The following MYO1F variants were observed in gnomAD, a reference collection of about 807,000 sequenced individuals.
The protein encoded by MYO1F is unconventional myosin-If.
MYO1F carries 60 observed loss-of-function variants against 146.6 expected under a neutral mutation model. The ratio of observed to expected loss-of-function variants is 0.41; its 90% CI spans 0.33 to 0.51. The LOEUF (loss-of-function observed/expected upper bound fraction) is 0.51. Among genes scored for constraint, MYO1F ranks in the 20% least tolerant of loss-of-function variants. MYO1F has a pLI of 0.25. For missense variants in MYO1F, 1,274 were observed against 1,534.3 expected (o/e 0.83, Z 2.83); for synonymous variants, 602 against 602.1 (o/e 1.00, Z 0.00).
At chr19:8,576,663 G>A (rs1264950582) in intron 1 of MYO1F, 1 of 156,904 alleles carries the variant, frequency 6.4e-6, no homozygotes, top group Non-Finnish European at 1.4e-5. Context: ...TTGGGATAAG[G>A]GATGCCCACC....
chr19:8,542,763 G>C (rs1053593571), intron 14 of MYO1F, among the ~76,000 whole-genome samples: 2 of 151,768 alleles, frequency 1.3e-5, no homozygotes, highest in African/African-American at 4.8e-5. Context: ...ACCACACCTG[G>C]CTGATTTTTT....
rs142197097 is a variant in MYO1F, at chr19:8,545,583, C to G, written c.1356+67G>C. 250 of 1,349,028 alleles carry G rather than the reference C, an allele frequency of 1.9e-4. 2 individuals carry two copies. The African/African-American group carries it at 2.9e-3, about 16-fold the overall frequency. The allele number at this position is 1,349,028 out of a possible 1,614,324, so 83.6% of individuals were successfully genotyped here. On this transcript the variant is annotated intron_variant, in intron 13 of 27. Transcript: ENST00000644032. The stretch of plus-strand genomic sequence containing the variant: ...ATGCCATAACACCCTTGGCCCTCCC[C>G]CTCATCTTCCAGACTCAGCTCAGGG...
At chr19:8,543,707 G>A (rs1321770737) in intron 14 of MYO1F, among the ~76,000 whole-genome samples, 1 of 18,496 alleles carries the variant, frequency 5.4e-5, no homozygotes, top group Admixed American at 5.8e-4. Context: ...TGGTGGTGGT[G>A]CTGGTGGTGG....
chr19:8,533,401 C>A (rs1972575659), intron 19 of MYO1F, among the ~76,000 whole-genome samples: 1 of 147,940 alleles, frequency 6.8e-6, no homozygotes, highest in African/African-American at 2.5e-5. Context: ...GTCGCTCAGG[C>A]TGGAGTGCAG....
chr19:8,541,421 G>T (rs1264353980), intron 15 of MYO1F, among the ~76,000 whole-genome samples: 1,916 of 130,226 alleles, frequency 0.015, 50 homozygotes, highest in African/African-American at 0.051. Flanking sequence ...GTGTGTGTGT[G>T]TGTGTTTTTT....
chr19:8,528,932 C>T (rs137863578), intron 21 of MYO1F, among the ~76,000 whole-genome samples: 2 of 152,108 alleles, frequency 1.3e-5, no homozygotes, highest in East Asian at 1.9e-4. Context: ...AGCTGGCCTG[C>T]GGTCAGAGTT....
At position 8,554,680 on chromosome 19, in the gene MYO1F, G is replaced by C; in HGVS notation, c.205C>G (p.Arg69Gly). 6.2e-7 allele frequency: 1 copy of C among 1,613,964 alleles called. No homozygotes were observed. The highest frequency in any genetic ancestry group is 8.5e-7 in the Non-Finnish European group (1 of 1,179,994). ...GCGCCCTGATAGAGGTCGATCTCAC[G>C]GTCGGTGAAGTAGGGCATCTGCTTG... The part of the protein sequence containing the change: ...PFKQMPYFTD[R>G]EIDLYQGAAQ... The change falls in exon 3 of 28, where the codon CGT becomes GGT. Residue 69 changes from arginine (R) to glycine (G), a missense_variant. Arg to Gly is a moderately radical substitution (Grantham distance 125). Transcript: ENST00000644032.
intron 2 of MYO1F, 74 bp from the exon 3 acceptor site, chr19:8,554,817 C>G: frequency 7.4e-7 from 1 of 1,346,376 alleles, no homozygotes; most frequent in Non-Finnish European, 1.1e-6. Flanking sequence ...TGCCCCCACC[C>G]AGGGCTTCCT....
chr19:8,526,392 G>A, intron 24 of MYO1F, 61 bp downstream of exon 24: 1 of 1,540,932 alleles, frequency 6.5e-7, no homozygotes, highest in Non-Finnish European at 8.7e-7. Context: ...CCTGGCCTTC[G>A]TCCACTCTTA....
In MYO1F at chr19:8,525,573, A is replaced by G; in HGVS notation, c.2771-11T>C. ...CCTTCCGCGTAGGCTCTGAAAGAAG[A>G]GTGTCAGGGAGTTGAATGACAGACA... On this transcript the variant is annotated splice_polypyrimidine_tract_variant and intron_variant, in intron 24 of 27. Coordinates refer to ENST00000644032, the MANE Select transcript of MYO1F (RefSeq NM_012335.4). The G allele has an allele frequency of 1.2e-6, 2 of 1,609,732 alleles. No individual in the cohort carries two copies. Among genetic ancestry groups the G allele is most frequent in the Non-Finnish European group, 1.7e-6 (2 of 1,177,460 alleles).
intron 16 of MYO1F, among the ~76,000 whole-genome samples, chr19:8,537,303 A>G (rs1165883031): frequency 6.6e-6 from 1 of 152,108 alleles, no homozygotes; most frequent in Non-Finnish European, 1.5e-5. Context: ...TCTCACGTCT[A>G]CCGCACTCAC....
chr19:8,561,652 T>A (rs1396422494), intron 1 of MYO1F, among the ~76,000 whole-genome samples: 1 of 149,290 alleles, frequency 6.7e-6, no homozygotes, highest in Non-Finnish European at 1.5e-5. Context: ...TTCCTTCCAT[T>A]TTTTCTTTCC....
Position 8,530,514 on chromosome 19 carries a change from C to T in MYO1F, c.2103G>A (p.Gln701=). The T allele has an allele frequency of 6.2e-7, 1 of 1,613,706 alleles. No individual in the cohort carries two copies. Among genetic ancestry groups the T allele is most frequent in the Non-Finnish European group, 8.5e-7 (1 of 1,180,032 alleles). The change falls in exon 20 of 28, where the codon CAG becomes CAA. Residue 701 remains glutamine, a synonymous_variant. Transcript: ENST00000644032. This position sits in a 1 kb window ranked among gnomAD's most constrained non-coding sequence, Gnocchi z 5.8. ...RKFDGFARTI[Q]KAWRRHVAVR... is the part of the protein sequence containing the mutation. ...CAGCCACGTGGCGCCGCCAGGCCTTCTGGATGGTTCGGGCAAAGCCATCGA... is the reference window on the plus strand; with the variant it reads ...CAGCCACGTGGCGCCGCCAGGCCTTTTGGATGGTTCGGGCAAAGCCATCGA...
At chr19:8,560,742 A>ATTTTTTT (rs71175875) in intron 1 of MYO1F, among the ~76,000 whole-genome samples, 4 of 133,916 alleles carry the variant, frequency 3.0e-5, no homozygotes, top group Non-Finnish European at 3.1e-5. Flanking sequence ...CGCCTGGCTA[A>ATTTTTTT]TTTTTTTTTT....
Position 8,530,521 on chromosome 19 carries a change from G to A in MYO1F, c.2096C>T (p.Thr699Ile). Residue 699 changes from threonine to isoleucine, a missense_variant, in exon 20 of 28, where the codon ACC becomes ATC. Thr to Ile is a moderately conservative substitution (Grantham distance 89). This residue lies in a region of MYO1F where 900 missense variants were observed against 1,155.1 expected (regional missense o/e 0.78). Coordinates refer to ENST00000644032, the MANE Select transcript of MYO1F (RefSeq NM_012335.4). This position sits in a 1 kb window ranked among gnomAD's most constrained non-coding sequence, Gnocchi z 5.8. ...RERKFDGFAR[T>I]IQKAWRRHVA... Reference sequence around the variant, plus strand: ...GTGGCGCCGCCAGGCCTTCTGGATGGTTCGGGCAAAGCCATCGAACTTTCG... The same window carrying A: ...GTGGCGCCGCCAGGCCTTCTGGATGATTCGGGCAAAGCCATCGAACTTTCG... 6.2e-7 allele frequency: 1 copy of A among 1,613,686 alleles called. No homozygotes were observed. The highest frequency in any genetic ancestry group is 1.1e-5 in the South Asian group (1 of 91,090).
chr19:8,560,044 C>A (rs889292045), intron 1 of MYO1F, among the ~76,000 whole-genome samples: 4 of 151,710 alleles, frequency 2.6e-5, no homozygotes, highest in Non-Finnish European at 5.9e-5. Context: ...ATACTGGCAG[C>A]CATCATCACA....
intron 21 of MYO1F, among the ~76,000 whole-genome samples, chr19:8,529,361 A>G (rs537245209): frequency 1.3e-5 from 2 of 152,176 alleles, no homozygotes; most frequent in East Asian, 1.9e-4. Flanking sequence ...GTCTGGGTGT[A>G]CCTGTGGACA....
Position 8,552,126 on chromosome 19 carries a change from C to T in MYO1F, c.543G>A (p.Glu181=). 1 of 1,614,154 alleles carries T rather than the reference C, an allele frequency of 6.2e-7. No homozygotes were observed. Among genetic ancestry groups the T allele is most frequent in the African/African-American group, 1.3e-5 (1 of 75,038 alleles). The change falls in exon 7 of 28, where the codon GAG becomes GAA. Residue 181 remains glutamate (E), a synonymous_variant. Transcript: ENST00000644032. The stretch of plus-strand genomic sequence containing the variant: ...AGTTGGAGATCTTGCCCCCATCTGG[C>T]TCCCCACCTCGGCTGAACTGGATCT... ...YFEIQFSRGG[E]PDGGKISNFL...
At position 8,536,418 on chromosome 19, in the gene MYO1F, G is replaced by A. The variant is rs766306914; in HGVS notation, c.1899-22C>T. The A allele has an allele frequency of 2.5e-5, 40 of 1,608,212 alleles. No homozygotes were observed. The Admixed American group carries it at 6.0e-4, about 24-fold the overall frequency. On this transcript the variant is annotated intron_variant, in intron 18 of 27. Transcript: ENST00000644032. ...ATACCTGAGGGCGGAGGGCTGGGGT[G>A]TGGGAGTGCTCATAGCAGACAGGCC... is the stretch of plus-strand genomic sequence containing the variant.
Sources: allele counts gnomAD v4.1 joint callset (sites outside exome capture counted in the v4.1 genomes callset), GRCh38; gene constraint gnomAD v4.1.1; regional missense constraint gnomAD v4.1.1; non-coding constraint Gnocchi (gnomAD v3.1); transcripts MANE v1.5; gene names NCBI Gene and HGNC (gene_info 2026-07-23, HGNC 2026-07-21).